Variants in TBC1D16 observed in about 807,000 individuals in gnomAD.
TBC1D16 encodes the protein CTD-2529O21.1.
Under a neutral mutation model 74.7 loss-of-function variants are expected in TBC1D16, and 58 were observed. That is an observed-to-expected ratio of 0.78 (90% CI 0.63 to 0.97). The LOEUF (loss-of-function observed/expected upper bound fraction) is 0.97, where lower values mean the gene tolerates loss of function less well. Ranked by LOEUF, TBC1D16 falls within the 50% of genes least tolerant of loss-of-function variation. The pLI is 0.00. For missense variants in TBC1D16, 1,014 were observed against 1,079.5 expected, an observed-to-expected ratio of 0.94 and a Z score of 0.85; for synonymous variants, 493 against 474.7, an observed-to-expected ratio of 1.04 and a Z score of -0.50.
At chr17:80,013,855 G>A (rs946871539) in intron 1 of TBC1D16, among the ~76,000 whole-genome samples, 48 of 152,120 alleles carry the variant, frequency 3.2e-4, no homozygotes, top group African/African-American at 1.1e-3. Context: ...TTCCCAGTAC[G>A]AAAACTAGAA....
chr17:79,968,745 C>T (rs980419184), intron 3 of TBC1D16, among the ~76,000 whole-genome samples: 3 of 141,260 alleles, frequency 2.1e-5, no homozygotes, highest in Non-Finnish European at 4.5e-5. Context: ...CCCAGCTAAT[C>T]GGGAGGCTGA....
In TBC1D16 at chr17:79,941,195, G is replaced by C; in HGVS notation, c.2056-88C>G. ...ATGGGAGTGGCCAAAGACAGCAACA[G>C]CAGCAACAACGGCCTGCACCTCGGG... On this transcript the variant is annotated intron_variant, in intron 11 of 11. Transcript: ENST00000310924. The surrounding 1 kb of genome is among the most constrained non-coding windows in gnomAD (Gnocchi z 4.3). 1 of 1,346,962 alleles carries C rather than the reference G, an allele frequency of 7.4e-7. No homozygotes were observed. Among genetic ancestry groups the C allele is most frequent in the Non-Finnish European group, 1.0e-6 (1 of 994,342 alleles). The allele number at this position is 1,346,962 out of a possible 1,614,324, so 83.4% of individuals were successfully genotyped here. A position where few individuals can be genotyped will look rare whatever the true frequency, so the allele number is the denominator to read the frequency against.
intron 3 of TBC1D16, among the ~76,000 whole-genome samples, chr17:79,969,383 C>T (rs760806941): frequency 6.6e-6 from 1 of 152,146 alleles, no homozygotes; most frequent in African/African-American, 2.4e-5. Flanking sequence ...GAGACTCCAT[C>T]TCAAAACAAA....
At chr17:80,020,375 G>A (rs999689221) in intron 1 of TBC1D16, among the ~76,000 whole-genome samples, 4 of 149,692 alleles carry the variant, frequency 2.7e-5, no homozygotes, top group African/African-American at 1.0e-4. Flanking sequence ...CCTGAGATCA[G>A]GAGTTCAAGA....
intron 10 of TBC1D16, among the ~76,000 whole-genome samples, chr17:79,943,560 G>GCCCACC (rs1258595043): frequency 6.3e-4 from 92 of 146,488 alleles, no homozygotes; most frequent in Admixed American, 1.6e-3. Context: ...CTCATCAGCA[G>GCCCACC]CCCACCCCCA....
chr17:80,016,804 A>G (rs901682346), intron 1 of TBC1D16, among the ~76,000 whole-genome samples: 1 of 151,978 alleles, frequency 6.6e-6, no homozygotes, highest in African/African-American at 2.4e-5. Context: ...TGTATTTCCA[A>G]TTGTCTCCAT....
chr17:80,010,410 A>C lies in TBC1D16; in HGVS notation c.529T>G (p.Ser177Ala), dbSNP rs762987882. The C allele has an allele frequency of 6.2e-7, 1 of 1,611,494 alleles. No homozygotes were observed. Among genetic ancestry groups the C allele is most frequent in the South Asian group, 1.1e-5 (1 of 90,794 alleles). Reference sequence around the variant, plus strand: ...CCGGAGGGGCTGCAAGCAGGCTGCGAGGCTGGCTGGGCACCATCCACCCCC... The same window carrying C: ...CCGGAGGGGCTGCAAGCAGGCTGCGCGGCTGGCTGGGCACCATCCACCCCC... The part of the protein sequence containing the change: ...GLGVDGAQPA[S>A]QPACSPSGIL... The change falls in exon 3 of 12, where the codon TCG becomes GCG. Residue 177 changes from serine to alanine, a missense_variant. Physicochemically the swap from Ser to Ala is moderately conservative, Grantham distance 99. Transcript: ENST00000310924. The surrounding 1 kb of genome is among the most constrained non-coding windows in gnomAD (Gnocchi z 8.8).
At chr17:79,999,255 CAA>C (rs551959216) in intron 3 of TBC1D16, among the ~76,000 whole-genome samples, 1 of 131,178 alleles carries the variant, frequency 7.6e-6, no homozygotes. Context: ...GACACTGTCT[CAA>C]AAAAAAAAAA....
intron 1 of TBC1D16, among the ~76,000 whole-genome samples, chr17:80,017,643 T>G (rs954529164): frequency 7.0e-6 from 1 of 142,312 alleles, no homozygotes; most frequent in African/African-American, 2.7e-5. Context: ...ATCGCTCCAT[T>G]GCACTCCAGC....
Position 79,944,216 on chromosome 17 carries a change from T to C in TBC1D16, c.1908+692A>G, listed in dbSNP as rs753757678. On this transcript the variant is annotated intron_variant, in intron 10 of 11. Transcript: ENST00000310924. The surrounding 1 kb of genome is among the most constrained non-coding windows in gnomAD (Gnocchi z 7.7). Reference sequence around the variant, plus strand: ...ACGGAGGCTGCTGGAGCTGCCGTGGTGGATAGAGCCAGCTCCTGCAAAAGG... The same window carrying C: ...ACGGAGGCTGCTGGAGCTGCCGTGGCGGATAGAGCCAGCTCCTGCAAAAGG... The C allele has an allele frequency of 7.0e-7, 1 of 1,426,020 alleles. No individual in the cohort carries two copies. Among genetic ancestry groups the C allele is most frequent in the African/African-American group, 1.4e-5 (1 of 70,986 alleles). 88.3% of individuals were successfully genotyped at this position (1,426,020 alleles called of 1,614,324 possible).
chr17:79,984,619 GTGAAGGAA>G (rs1164247059), intron 3 of TBC1D16, among the ~76,000 whole-genome samples: 19 of 102,528 alleles, frequency 1.9e-4, no homozygotes, highest in South Asian at 3.4e-4. Flanking sequence ...GAGGGAGGGA[GTGAAGGAA>G]GGAAGGAAGG....
At chr17:79,962,981 C>A (rs866314733) in intron 3 of TBC1D16, among the ~76,000 whole-genome samples, 6 of 150,548 alleles carry the variant, frequency 4.0e-5, no homozygotes, top group African/African-American at 1.5e-4. Flanking sequence ...ATCCAGGAGG[C>A]AGAGGTTGCA....
At chr17:79,949,612 T>A (rs1486724647) in intron 7 of TBC1D16, 105 bp downstream of exon 7, 1 of 1,399,418 alleles carries the variant, frequency 7.1e-7, no homozygotes, top group Admixed American at 2.1e-5. Context: ...AAACTATGGG[T>A]CACGAAACAT....
intron 3 of TBC1D16, among the ~76,000 whole-genome samples, chr17:79,982,598 A>C (rs977312258): frequency 4.6e-5 from 7 of 151,216 alleles, no homozygotes; most frequent in African/African-American, 1.7e-4. Context: ...CAGGCCTGTA[A>C]TCCCAGCACT....
intron 3 of TBC1D16, among the ~76,000 whole-genome samples, chr17:79,970,335 A>G (rs1459848544): frequency 6.6e-6 from 1 of 152,120 alleles, no homozygotes; most frequent in Non-Finnish European, 1.5e-5. Flanking sequence ...GGGGATGAAA[A>G]TGTTCTGGAA....
rs1464259122 is a variant in TBC1D16, at chr17:79,939,105, G to A, written c.*1754C>T. 6.6e-6 allele frequency: 1 copy of A among 152,340 alleles called. No homozygotes were observed. Among genetic ancestry groups the A allele is most frequent in the Non-Finnish European group, 1.5e-5 (1 of 68,094 alleles). The allele number at this position is 152,340 out of a possible 1,614,324, so 9.4% of individuals were successfully genotyped here. A position where few individuals can be genotyped will look rare whatever the true frequency, so the allele number is the denominator to read the frequency against. ...GGATATAACTGGTTTCTAGCGGAGG[G>A]TCAGGGCAGAAGCTCCAGCCACCTC... On this transcript the variant is annotated 3_prime_UTR_variant, in exon 12 of 12. Transcript: ENST00000310924.
chr17:79,979,539 A>G lies in TBC1D16; in HGVS notation c.780-26721T>C, dbSNP rs2034488280. On this transcript the variant is annotated intron_variant, in intron 3 of 11. Transcript: ENST00000310924. The surrounding 1 kb of genome is among the most constrained non-coding windows in gnomAD (Gnocchi z 4.8). The stretch of plus-strand genomic sequence containing the variant: ...GTCCCTGTGTCATCTCTGCAGGACC[A>G]AACAGTCAATTAGTATCCAAATACT... Among the ~76,000 whole-genome samples, 1 of 152,182 alleles carries G rather than the reference A, an allele frequency of 6.6e-6. No individual in the cohort carries two copies. Among genetic ancestry groups the G allele is most frequent in the Non-Finnish European group, 1.5e-5 (1 of 68,024 alleles).
intron 3 of TBC1D16, among the ~76,000 whole-genome samples, chr17:79,958,289 G>A (rs1160259206): frequency 3.4e-5 from 5 of 148,160 alleles, no homozygotes; most frequent in African/African-American, 7.5e-5. Flanking sequence ...GCAAGATCTC[G>A]GCTCACTGCA....
At position 79,935,754 on chromosome 17, in the gene TBC1D16, C is replaced by CCAAAA. The variant is rs534479007; in HGVS notation, c.*5100_*5104dup. Reference sequence around the variant, plus strand: ...ACCAATGGGTGATTACATTTAAAAACCAAAACAAAACAAAACAAAATACCA... The same window carrying CCAAAA: ...ACCAATGGGTGATTACATTTAAAAACCAAAACAAAACAAAACAAAACAAAATACCA... On this transcript the variant is annotated 3_prime_UTR_variant, in exon 12 of 12. Transcript: ENST00000310924. 1 of 152,212 alleles carries CCAAAA rather than the reference C, an allele frequency of 6.6e-6. No individual in the cohort carries two copies. The highest frequency in any genetic ancestry group is 2.4e-5 in the African/African-American group (1 of 41,420). 9.4% of individuals were successfully genotyped at this position (152,212 alleles called of 1,614,324 possible).
Sources: gnomAD v4.1 joint callset for allele counts (sites outside exome capture counted in the v4.1 genomes callset) on GRCh38, gnomAD v4.1.1 for gene constraint, Gnocchi (gnomAD v3.1) non-coding constraint, MANE v1.5 for transcripts, NCBI Gene and HGNC (gene_info 2026-07-23, HGNC 2026-07-21) for gene names.